CFAP77: variants seen among roughly 807,000 people sequenced by gnomAD.
CFAP77 encodes the protein cilia and flagella associated protein 77.
In CFAP77, 25 loss-of-function variants were observed where a neutral mutation model predicts 31.1. The observed-to-expected ratio is 0.80, with a 90% CI of 0.59 to 1.12. The LOEUF (loss-of-function observed/expected upper bound fraction) is 1.12. Ranked by LOEUF, CFAP77 falls within the 50% of genes most tolerant of loss-of-function variation. CFAP77 has a pLI of 0.00. For missense variants in CFAP77, 377 were observed against 397.3 expected (o/e 0.95, Z 0.44); for synonymous variants, 151 against 159.9 (o/e 0.94, Z 0.42).
intron 3 of CFAP77, among the ~76,000 whole-genome samples, chr9:132,515,266 T>C (rs11999163): frequency 0.096 from 14,684 of 152,178 alleles, 925 homozygotes; most frequent in African/African-American, 0.18. Context: ...CTCGACATTC[T>C]GAGGGAAGGA....
chr9:132,521,620 A>G lies in CFAP77; in HGVS notation c.525-15981A>G, dbSNP rs568660457. On this transcript the variant is annotated intron_variant, in intron 3 of 5. Coordinates refer to ENST00000393216, the MANE Select transcript of CFAP77 (RefSeq NM_001282957.2). ...GAGAGGTGTCCGCCAGGCGAAGGAG[A>G]GGAGTCCAGGAAGAAGTATGGGAGG... 1.1e-4 allele frequency among the ~76,000 whole-genome samples: 16 copies of G among 152,162 alleles called. No individual in the cohort carries two copies. The Middle Eastern group carries it at 0.01, about 97-fold the overall frequency.
At chr9:132,543,091 C>A in intron 5 of CFAP77, 44 bp downstream of exon 5, 1 of 1,529,412 alleles carries the variant, frequency 6.5e-7, no homozygotes, top group Non-Finnish European at 9.1e-7. Flanking sequence ...ACCTTGCTGG[C>A]TGCCGCTCAC....
rs982782709 is a variant in CFAP77 at position 132,517,251 on chromosome 9, C to T, written c.524+17651C>T. 2.0e-5 allele frequency among the ~76,000 whole-genome samples: 3 copies of T among 152,138 alleles called. No homozygotes were observed. Among genetic ancestry groups the T allele is most frequent in the African/African-American group, 4.8e-5 (2 of 41,434 alleles). On this transcript the variant is annotated intron_variant, in intron 3 of 5. Transcript: ENST00000393216. The surrounding 1 kb of genome is among the most constrained non-coding windows in gnomAD (Gnocchi z 4.7). ...CCGCCCCTCCGTCCCTTCTCAGCTG[C>T]GAGGGTGCCAGCAACTCCCCGGCCC...
At chr9:132,550,251 C>A (rs1015861693) in intron 5 of CFAP77, among the ~76,000 whole-genome samples, 3 of 152,178 alleles carry the variant, frequency 2.0e-5, no homozygotes, top group Non-Finnish European at 2.9e-5. Flanking sequence ...TGATTATATG[C>A]AAAAATATTT....
intron 5 of CFAP77, among the ~76,000 whole-genome samples, chr9:132,543,345 C>A (rs1283277808): frequency 6.6e-6 from 1 of 152,258 alleles, no homozygotes; most frequent in Non-Finnish European, 1.5e-5. Flanking sequence ...CCCAGACCAT[C>A]TGGGTGCAGA....
rs997195163 is a variant in CFAP77, at chr9:132,501,495, C to T, written c.524+1895C>T. Among the ~76,000 whole-genome samples the T allele has an allele frequency of 1.3e-5, 2 of 151,962 alleles. No homozygotes were observed. The highest frequency in any genetic ancestry group is 4.8e-5 in the African/African-American group (2 of 41,354). ...CTCACTGCAACCTCTGTCTCCCTTC[C>T]AGGTTCCAGTGATTCTCCTGCCTCA... On this transcript the variant is annotated intron_variant, in intron 3 of 5. Transcript: ENST00000393216. The surrounding 1 kb of genome is among the most constrained non-coding windows in gnomAD (Gnocchi z 4.6).
intron 1 of CFAP77, among the ~76,000 whole-genome samples, chr9:132,446,326 C>T (rs760447348): frequency 1.3e-5 from 2 of 152,020 alleles, no homozygotes; most frequent in African/African-American, 4.8e-5. Flanking sequence ...ATCTCTGAGT[C>T]GTCTGGTCAT....
rs1162484916 is a variant in CFAP77 at position 132,471,455 on chromosome 9, C to T, written c.196-27240C>T. ...TATTCCTTTAAGGACCCCCCCCCAC[C>T]GTTGCCCACACACACACATCAAGTG... On this transcript the variant is annotated intron_variant, in intron 1 of 5. Coordinates refer to ENST00000393216, the MANE Select transcript of CFAP77 (RefSeq NM_001282957.2). Among the ~76,000 whole-genome samples the T allele has an allele frequency of 3.9e-5, 6 of 152,018 alleles. No individual in the cohort carries two copies. The East Asian group carries it at 5.8e-4, about 15-fold the overall frequency.
chr9:132,531,790 G>A (rs1472365838), intron 3 of CFAP77, among the ~76,000 whole-genome samples: 2 of 152,186 alleles, frequency 1.3e-5, no homozygotes, highest in Admixed American at 6.5e-5. Context: ...CCCAGGCTGG[G>A]GCCGTTGGGA....
chr9:132,452,696 A>G (rs1434090263), intron 1 of CFAP77, among the ~76,000 whole-genome samples: 1 of 152,052 alleles, frequency 6.6e-6, no homozygotes, highest in Non-Finnish European at 1.5e-5. Context: ...AGGGAGGCAG[A>G]CTCCAATTGG....
rs1554737767 is a variant in CFAP77, at chr9:132,449,898, T to TTTG, written c.195+39434_195+39435insGTT. The stretch of plus-strand genomic sequence containing the variant: ...AATTTCCAGGGATGATTAAGAGTTT[T>TTTG]TTTGTTTGTTTGTTTGTTTGTTTGT... On this transcript the variant is annotated intron_variant, in intron 1 of 5. Transcript: ENST00000393216. Among the ~76,000 whole-genome samples, 836 of 88,874 alleles carry TTTG rather than the reference T, an allele frequency of 9.4e-3. 3 individuals carry two copies. Among genetic ancestry groups the TTTG allele is most frequent in the Middle Eastern group, 0.029 (6 of 204 alleles). The allele number at this position is 88,874 out of a possible 152,430, so 58.3% of individuals were successfully genotyped here.
At chr9:132,484,904 A>C (rs1417423425) in intron 1 of CFAP77, among the ~76,000 whole-genome samples, 2 of 148,740 alleles carry the variant, frequency 1.3e-5, no homozygotes, top group Admixed American at 6.7e-5. Context: ...GCTGGAGTGC[A>C]GTGGCATGCT....
At position 132,432,345 on chromosome 9, in the gene CFAP77, G is replaced by A. The variant is rs1850424947; in HGVS notation, c.195+21879G>A. Reference sequence around the variant, plus strand: ...AACAGAGTCTGAGGGCTTTACATGGGAGGAGTTGGGTGGCCAGGAACCCAT... The same window carrying A: ...AACAGAGTCTGAGGGCTTTACATGGAAGGAGTTGGGTGGCCAGGAACCCAT... On this transcript the variant is annotated intron_variant, in intron 1 of 5. Coordinates refer to ENST00000393216, the MANE Select transcript of CFAP77 (RefSeq NM_001282957.2). Among the ~76,000 whole-genome samples, 3 of 152,176 alleles carry A rather than the reference G, an allele frequency of 2.0e-5. No homozygotes were observed. The South Asian group carries it at 6.2e-4, about 32-fold the overall frequency.
intron 5 of CFAP77, among the ~76,000 whole-genome samples, chr9:132,566,083 G>A (rs1829880601): frequency 6.6e-6 from 1 of 152,096 alleles, no homozygotes; most frequent in African/African-American, 2.4e-5. Context: ...TTCATCCTTT[G>A]ACTCCAGGGG....
chr9:132,546,429 T>C (rs1264799996), intron 5 of CFAP77, among the ~76,000 whole-genome samples: 1 of 149,274 alleles, frequency 6.7e-6, no homozygotes, highest in East Asian at 2.0e-4. Flanking sequence ...AAGTTGAGCC[T>C]GTCACGGTGA....
intron 1 of CFAP77, among the ~76,000 whole-genome samples, chr9:132,465,899 T>C (rs1851144414): frequency 6.6e-6 from 1 of 152,120 alleles, no homozygotes; most frequent in Non-Finnish European, 1.5e-5. Flanking sequence ...GGCAAGTGGT[T>C]CAAAATAAGG....
intron 3 of CFAP77, among the ~76,000 whole-genome samples, chr9:132,522,816 C>T (rs1009134042): frequency 3.3e-5 from 5 of 152,162 alleles, no homozygotes; most frequent in Non-Finnish European, 5.9e-5. Context: ...ATCTGATGTT[C>T]GGTGTGGACC....
At chr9:132,450,339 T>C (rs1283277447) in intron 1 of CFAP77, among the ~76,000 whole-genome samples, 1 of 150,710 alleles carries the variant, frequency 6.6e-6, no homozygotes, top group East Asian at 1.9e-4. Context: ...GTGTGAGAAC[T>C]ACAGGTCAGT....
rs1055422844 is a variant in CFAP77, at chr9:132,545,562, C to T, written c.732+2515C>T. On this transcript the variant is annotated intron_variant, in intron 5 of 5. Coordinates refer to ENST00000393216, the MANE Select transcript of CFAP77 (RefSeq NM_001282957.2). This position sits in a 1 kb window ranked among gnomAD's most constrained non-coding sequence, Gnocchi z 4.6. ...GTCTCCCTATCCTACTTGCCAGAAA[C>T]CTGGGGCCAAGGGAAATGGGGAATT... Among the ~76,000 whole-genome samples the T allele has an allele frequency of 2.6e-5, 4 of 152,326 alleles. No individual in the cohort carries two copies. Among genetic ancestry groups the T allele is most frequent in the African/African-American group, 9.6e-5 (4 of 41,568 alleles).
Sources: gnomAD v4.1 joint callset for allele counts (sites outside exome capture counted in the v4.1 genomes callset) on GRCh38, gnomAD v4.1.1 for gene constraint, Gnocchi (gnomAD v3.1) non-coding constraint, MANE v1.5 for transcripts, NCBI Gene and HGNC (gene_info 2026-07-23, HGNC 2026-07-21) for gene names.